Variants in PRELID2 observed in about 807,000 individuals in gnomAD.
PRELID2 encodes the protein PRELI domain-containing protein 2.
Under a neutral mutation model 28.4 loss-of-function variants are expected in PRELID2, and 25 were observed. That is an observed-to-expected ratio of 0.88 (90% CI 0.64 to 1.23). The LOEUF (loss-of-function observed/expected upper bound fraction) is 1.23, where lower values mean the gene tolerates loss of function less well. Among genes scored for constraint, PRELID2 ranks in the 50% most tolerant of loss-of-function variants. PRELID2 has a pLI of 0.00. For synonymous variants in PRELID2, 76 were observed against 71.6 expected (o/e 1.06, Z -0.31); for missense variants, 201 against 214.4 (o/e 0.94, Z 0.39).
At chr5:145,250,362 A>T in the PRELID2 span, among the ~76,000 whole-genome samples, 1 of 152,278 alleles carries the variant, frequency 6.6e-6, no homozygotes, top group South Asian at 2.1e-4. Flanking sequence ...ATTCTGTGCC[A>T]ATGGTGCTAG....
At chr5:145,810,599 T>C (rs963540218) in intron 4 of PRELID2, among the ~76,000 whole-genome samples, 1 of 152,188 alleles carries the variant, frequency 6.6e-6, no homozygotes, top group African/African-American at 2.4e-5. Flanking sequence ...TAACAGTAAA[T>C]CATTACAAAC....
At chr5:145,280,579 C>G in the PRELID2 span, among the ~76,000 whole-genome samples, 1 of 151,908 alleles carries the variant, frequency 6.6e-6, no homozygotes, top group Non-Finnish European at 1.5e-5. Flanking sequence ...TACAGCACAC[C>G]AGCATGGCAC....
At chr5:145,413,380 T>A in the PRELID2 span, among the ~76,000 whole-genome samples, 1 of 152,154 alleles carries the variant, frequency 6.6e-6, no homozygotes, top group Non-Finnish European at 1.5e-5. Context: ...ACACTGCTGG[T>A]GGGAATGTAA....
intron 1 of PRELID2, among the ~76,000 whole-genome samples, chr5:145,621,874 G>T (rs1265379426): frequency 6.6e-6 from 1 of 152,112 alleles, no homozygotes; most frequent in African/African-American, 2.4e-5. Context: ...AATGATGAAT[G>T]AGATGAATAC....
At chr5:145,672,972 G>A (rs1357982908) in intron 1 of PRELID2, among the ~76,000 whole-genome samples, 1 of 152,102 alleles carries the variant, frequency 6.6e-6, no homozygotes, top group African/African-American at 2.4e-5. Flanking sequence ...GCCCTCTGTA[G>A]TTCAGGACAA....
At chr5:145,287,429 T>G in the PRELID2 span, among the ~76,000 whole-genome samples, 515 of 152,292 alleles carry the variant, frequency 3.4e-3, 1 homozygote, top group African/African-American at 0.012. Context: ...AGGTAGCTAC[T>G]AAGTGACTAA....
intron 1 of PRELID2, among the ~76,000 whole-genome samples, chr5:145,830,068 C>A (rs1048745190): frequency 2.6e-5 from 4 of 152,066 alleles, no homozygotes; most frequent in African/African-American, 9.7e-5. Flanking sequence ...TTTCTGAATC[C>A]CATACTGACT....
intron 1 of PRELID2, among the ~76,000 whole-genome samples, chr5:145,696,156 C>CTTTTTTTTTTTTTTTTTT (rs10591669): frequency 1.7e-5 from 1 of 60,020 alleles, no homozygotes; most frequent in African/African-American, 4.9e-5. Context: ...TAAATAATAG[C>CTTTTTTTTTTTTTTTTTT]TTTTTTTTTT....
the PRELID2 span, among the ~76,000 whole-genome samples, chr5:145,430,721 T>C: frequency 6.6e-6 from 1 of 152,200 alleles, no homozygotes; most frequent in East Asian, 1.9e-4. Flanking sequence ...CCAGGACTCG[T>C]TTCATGAACA....
chr5:145,555,144 T>C (rs890541323), intron 1 of PRELID2, among the ~76,000 whole-genome samples: 1 of 152,146 alleles, frequency 6.6e-6, no homozygotes, highest in Non-Finnish European at 1.5e-5. Flanking sequence ...ACAACAGAGA[T>C]TTCTGGGCAT....
the PRELID2 span, among the ~76,000 whole-genome samples, chr5:145,368,705 AT>A: frequency 1.3e-5 from 2 of 151,764 alleles, no homozygotes; most frequent in African/African-American, 4.8e-5. Flanking sequence ...CCCATAACAG[AT>A]TTTTATTTCT....
the PRELID2 span, among the ~76,000 whole-genome samples, chr5:145,311,357 CTT>C: frequency 2.6e-5 from 4 of 152,056 alleles, no homozygotes; most frequent in Non-Finnish European, 5.9e-5. Flanking sequence ...CGAGAAGAGA[CTT>C]TTTTTGGTTT....
intron 4 of PRELID2, among the ~76,000 whole-genome samples, chr5:145,815,826 G>A (rs993402680): frequency 6.6e-6 from 1 of 152,118 alleles, no homozygotes; most frequent in South Asian, 2.1e-4. Context: ...ACATTGGCTT[G>A]TTTCTACATT....
intron 1 of PRELID2, among the ~76,000 whole-genome samples, chr5:145,488,281 C>T (rs975216666): frequency 6.6e-6 from 1 of 151,984 alleles, no homozygotes; most frequent in Admixed American, 6.6e-5. Context: ...GATCTGTCTG[C>T]AGTAGGAAAG....
At chr5:145,536,334 C>A (rs911559555) in intron 1 of PRELID2, among the ~76,000 whole-genome samples, 1 of 151,864 alleles carries the variant, frequency 6.6e-6, no homozygotes, top group African/African-American at 2.4e-5. Context: ...AAATTACGAG[C>A]AGTAGAACTA....
At chr5:145,246,696 T>C in the PRELID2 span, among the ~76,000 whole-genome samples, 1 of 152,126 alleles carries the variant, frequency 6.6e-6, no homozygotes, top group Non-Finnish European at 1.5e-5. Flanking sequence ...AATTTGCCAC[T>C]GCTCTACGAG....
chr5:145,529,650 C>T (rs1320030500), intron 1 of PRELID2, among the ~76,000 whole-genome samples: 1 of 152,044 alleles, frequency 6.6e-6, no homozygotes, highest in African/African-American at 2.4e-5. Context: ...GTGAACAAGA[C>T]AATGTTCCTA....
chr5:145,488,437 G>C (rs1752241385), intron 1 of PRELID2, among the ~76,000 whole-genome samples: 1 of 152,126 alleles, frequency 6.6e-6, no homozygotes, highest in African/African-American at 2.4e-5. Flanking sequence ...GCATAAACTA[G>C]TCAATTTACT....
chr5:145,688,125 T>A (rs1755072322), intron 1 of PRELID2, among the ~76,000 whole-genome samples: 1 of 152,250 alleles, frequency 6.6e-6, no homozygotes, highest in Non-Finnish European at 1.5e-5. Context: ...TGCCTTCAGC[T>A]GCTGTGGGTG....
Sources: gnomAD v4.1 joint callset for allele counts (sites outside exome capture counted in the v4.1 genomes callset) on GRCh38, gnomAD v4.1.1 for gene constraint, MANE v1.5 for transcripts, NCBI Gene and HGNC (gene_info 2026-07-23, HGNC 2026-07-21) for gene names.